The following MTARC2 variants were observed in gnomAD, a reference collection of about 807,000 sequenced individuals.
MTARC2 encodes mitochondrial amidoxime reducing component 2.
A neutral mutation model predicts 35.6 loss-of-function variants in MTARC2; 27 were observed. That is an observed-to-expected ratio of 0.76 (90% CI 0.56 to 1.04). The LOEUF (loss-of-function observed/expected upper bound fraction) is 1.04. Among genes scored for constraint, MTARC2 ranks in the 50% least tolerant of loss-of-function variants. The pLI is 0.00. For missense variants in MTARC2, 412 were observed against 432.5 expected (o/e 0.95, Z 0.42); for synonymous variants, 158 against 167.1 (o/e 0.95, Z 0.42).
At chr1:220,779,895 G>T in intron 4 of MTARC2, 123 bp from the exon 5 acceptor site, 2 of 682,370 alleles carry the variant, frequency 2.9e-6, no homozygotes, top group Non-Finnish European at 4.6e-6. Flanking sequence ...GATATTTCTT[G>T]GTGTCACCTT....
At position 220,770,464 on chromosome 1, in the gene MTARC2, A is replaced by G. The variant is rs79437260; in HGVS notation, c.750+7414A>G. On this transcript the variant is annotated intron_variant, in intron 4 of 7. Coordinates refer to ENST00000366913, the MANE Select transcript of MTARC2 (RefSeq NM_017898.5). The stretch of plus-strand genomic sequence containing the variant: ...GTGATACGTGAACGCACGCTTATCG[A>G]TCCCTTGTAAGGAGAGGTCATTCAC... 3,971 of 985,404 alleles carry G rather than the reference A, an allele frequency of 4.0e-3. 144 individuals carry two copies. The African/African-American group carries it at 0.063, about 16-fold the overall frequency. 61.0% of individuals were successfully genotyped at this position (985,404 alleles called of 1,614,324 possible). A position where few individuals can be genotyped will look rare whatever the true frequency, so the allele number is the denominator to read the frequency against.
At position 220,760,009 on chromosome 1, in the gene MTARC2, T is replaced by A. The variant is rs2102549836; in HGVS notation, c.447-1649T>A. 2.0e-5 allele frequency among the ~76,000 whole-genome samples: 3 copies of A among 152,238 alleles called. 1 individual carries two copies. The highest frequency in any genetic ancestry group is 4.4e-5 in the Non-Finnish European group (3 of 68,008). ...CGCCTCAGGAGTCCTCACACTGGTATGAGCCTTCCCACGGGGAGGGGCAAG... is the reference window on the plus strand; with the variant it reads ...CGCCTCAGGAGTCCTCACACTGGTAAGAGCCTTCCCACGGGGAGGGGCAAG... On this transcript the variant is annotated intron_variant, in intron 2 of 7. Transcript: ENST00000366913.
chr1:220,753,549 G>A (rs1046368738), intron 1 of MTARC2, among the ~76,000 whole-genome samples: 1 of 152,176 alleles, frequency 6.6e-6, no homozygotes, highest in African/African-American at 2.4e-5. Flanking sequence ...GATATTGGAT[G>A]TCCTCCTGAG....
At chr1:220,756,032 C>T (rs866051652) in intron 2 of MTARC2, among the ~76,000 whole-genome samples, 8 of 152,296 alleles carry the variant, frequency 5.3e-5, no homozygotes, top group South Asian at 2.1e-4. Flanking sequence ...GACTCTGCGG[C>T]CTCTGAAGTG....
Position 220,782,942 on chromosome 1 carries a change from CT to C in MTARC2, c.*32-976del, listed in dbSNP as rs546279042. On this transcript the variant is annotated intron_variant, in intron 7 of 7. Transcript: ENST00000366913. ...GTTGCGCTGCAACACAAATAAAGTG[CT>C]CAGTAAATATCAGTTATGTTTTTTA... 5.3e-5 allele frequency among the ~76,000 whole-genome samples: 8 copies of C among 152,318 alleles called. No homozygotes were observed. The South Asian group carries it at 1.0e-3, about 20-fold the overall frequency.
chr1:220,761,928 G>A (rs1289521704), intron 3 of MTARC2, 108 bp downstream of exon 3: 2 of 1,087,370 alleles, frequency 1.8e-6, no homozygotes, highest in Non-Finnish European at 2.7e-6. Context: ...AAGAAAATAT[G>A]ATAATGGCCC....
At chr1:220,780,894 A>G (rs1034936831) in intron 6 of MTARC2, among the ~76,000 whole-genome samples, 1 of 152,098 alleles carries the variant, frequency 6.6e-6, no homozygotes, top group Non-Finnish European at 1.5e-5. Flanking sequence ...CTTTATTAGA[A>G]TCAATATCAA....
At position 220,774,943 on chromosome 1, in the gene MTARC2, C is replaced by CTGTGAGAGTGTGTG. The variant is rs1279896618; in HGVS notation, c.751-5075_751-5074insTGTGAGAGTGTGTG. ...CATGCAATTGTGTGTCTATATAGAC[C>CTGTGAGAGTGTGTG]CGTGTGTGTGCGTGTGTGTGTGTGT... is the stretch of plus-strand genomic sequence containing the variant. On this transcript the variant is annotated intron_variant, in intron 4 of 7. Transcript: ENST00000366913. 9.9e-3 allele frequency among the ~76,000 whole-genome samples: 1,492 copies of CTGTGAGAGTGTGTG among 149,984 alleles called. 26 individuals are homozygous for CTGTGAGAGTGTGTG. Among genetic ancestry groups the CTGTGAGAGTGTGTG allele is most frequent in the African/African-American group, 0.035 (1,401 of 39,468 alleles).
At chr1:220,755,275 G>A (rs1350065824) in intron 2 of MTARC2, among the ~76,000 whole-genome samples, 155 bp downstream of exon 2, 2 of 152,210 alleles carry the variant, frequency 1.3e-5, no homozygotes, top group Non-Finnish European at 2.9e-5. Flanking sequence ...GATTGGGCAT[G>A]AGTGGATGAT....
At chr1:220,761,854 T>G (rs779938310) in intron 3 of MTARC2, 34 bp downstream of exon 3, 23 of 1,558,870 alleles carry the variant, frequency 1.5e-5, no homozygotes, top group Non-Finnish European at 1.8e-5. Context: ...TCACTGCTAC[T>G]AGTCACCCTT....
At chr1:220,763,185 T>A in intron 4 of MTARC2, 135 bp downstream of exon 4, 3 of 1,275,608 alleles carry the variant, frequency 2.4e-6, no homozygotes, top group Non-Finnish European at 3.3e-6. Flanking sequence ...CATCACTCAT[T>A]GCTTGCGGAG....
intron 1 of MTARC2, chr1:220,754,468 C>T: frequency 2.2e-6 from 1 of 455,998 alleles, no homozygotes; most frequent in Admixed American, 2.3e-5. Context: ...CCTGGTTCCG[C>T]TTGGAGGCAG....
intron 4 of MTARC2, among the ~76,000 whole-genome samples, chr1:220,764,994 A>C (rs544798360): frequency 6.6e-6 from 1 of 152,338 alleles, no homozygotes; most frequent in East Asian, 1.9e-4. Context: ...CATGAGGGGC[A>C]TGGCCAGGAG....
Position 220,767,379 on chromosome 1 carries a change from T to C in MTARC2, c.750+4329T>C, listed in dbSNP as rs1671608015. Among the ~76,000 whole-genome samples the C allele has an allele frequency of 2.0e-5, 3 of 152,206 alleles. No homozygotes were observed. The South Asian group carries it at 6.2e-4, about 31-fold the overall frequency. On this transcript the variant is annotated intron_variant, in intron 4 of 7. Coordinates refer to ENST00000366913, the MANE Select transcript of MTARC2 (RefSeq NM_017898.5). The stretch of plus-strand genomic sequence containing the variant: ...CCTCAGCATGAAATTCAGGCCATCA[T>C]TTATTGCAAAAACACAGAGTAATAG...
chr1:220,764,157 G>A (rs1159884883), intron 4 of MTARC2, among the ~76,000 whole-genome samples: 8 of 151,512 alleles, frequency 5.3e-5, no homozygotes, highest in Non-Finnish European at 8.8e-5. Flanking sequence ...GCAGTGGCAC[G>A]ATCTCGGCTC....
rs79689210 is a variant in MTARC2 at position 220,748,826 on chromosome 1, G to A, written c.272+23G>A. ...CAGGTACAGCACAGCGCGGGCGCGG[G>A]GCAGCGCGGAGCCTGCCTGGGATGA... On this transcript the variant is annotated intron_variant, in intron 1 of 7. Coordinates refer to ENST00000366913, the MANE Select transcript of MTARC2 (RefSeq NM_017898.5). The A allele has an allele frequency of 1.5e-3, 2,394 of 1,557,630 alleles. 31 individuals carry two copies. The African/African-American group carries it at 0.03, about 19-fold the overall frequency.
chr1:220,754,868 AG>A (rs1194007629), intron 1 of MTARC2, 78 bp from the exon 2 acceptor site: 13 of 1,334,720 alleles, frequency 9.7e-6, no homozygotes, highest in East Asian at 7.1e-5. Context: ...GAGAGTTCTG[AG>A]GAAGTAGAAA....
chr1:220,748,625 G>T lies in MTARC2; in HGVS notation c.94G>T (p.Ala32Ser). ...CGGGGTCGCCGCGCTAGGACTGGCC[G>T]CCGTGGCCCTGGGGACTGTCGCCTG... ...WLGVAALGLA[A>S]VALGTVAWRR... The change falls in exon 1 of 8, where the codon GCC becomes TCC. Residue 32 changes from alanine (A) to serine (S), a missense_variant. By Grantham distance (99) the Ala-to-Ser change is moderately conservative. Transcript: ENST00000366913. The T allele has an allele frequency of 6.7e-7, 1 of 1,490,078 alleles. No homozygotes were observed. 92.3% of individuals were successfully genotyped at this position (1,490,078 alleles called of 1,614,324 possible). A position where few individuals can be genotyped will look rare whatever the true frequency, so the allele number is the denominator to read the frequency against.
chr1:220,748,699 C>T lies in MTARC2; in HGVS notation c.168C>T (p.Thr56=), dbSNP rs1229200515. The change falls in exon 1 of 8, where the codon ACC becomes ACT. Residue 56 remains threonine (T), a synonymous_variant. Coordinates refer to ENST00000366913, the MANE Select transcript of MTARC2 (RefSeq NM_017898.5). ...GCCGGCGGCTGCAGCAGGTGGGCAC[C>T]GTGGCGAAGCTCTGGATCTACCCGG... ...RRRRRLQQVG[T]VAKLWIYPVK... 6.3e-7 allele frequency: 1 copy of T among 1,593,472 alleles called. No homozygotes were observed. The highest frequency in any genetic ancestry group is 8.5e-7 in the Non-Finnish European group (1 of 1,170,832).
Sources: allele counts gnomAD v4.1 joint callset (sites outside exome capture counted in the v4.1 genomes callset), GRCh38; gene constraint gnomAD v4.1.1; transcripts MANE v1.5; gene names NCBI Gene and HGNC (gene_info 2026-07-23, HGNC 2026-07-21).